Variants in ANKRD36C observed in about 807,000 individuals in gnomAD.
The protein encoded by ANKRD36C is ankyrin repeat domain-containing protein 36C.
In ANKRD36C, 61 loss-of-function variants were observed where a neutral mutation model predicts 276.4. The ratio of observed to expected loss-of-function variants is 0.22; its 90% CI spans 0.18 to 0.27. The LOEUF (loss-of-function observed/expected upper bound fraction) is 0.27. ANKRD36C is among the 10% of genes least tolerant of loss of function. ANKRD36C has a pLI of 1.00. For synonymous variants in ANKRD36C, 483 were observed against 680.1 expected, an observed-to-expected ratio of 0.71 and a Z score of 4.51; for missense variants, 1,447 against 2,032.3, an observed-to-expected ratio of 0.71 and a Z score of 5.54.
intron 1 of ANKRD36C, among the ~76,000 whole-genome samples, chr2:95,990,867 C>T (rs921775841): frequency 2.0e-5 from 3 of 152,118 alleles, no homozygotes; most frequent in African/African-American, 7.2e-5. Flanking sequence ...ATGTATGTAA[C>T]ATTATGCTTT....
At chr2:95,956,723 T>C (rs1678336183) in intron 13 of ANKRD36C, 63 bp downstream of exon 13, 2 of 1,431,230 alleles carry the variant, frequency 1.4e-6, no homozygotes, top group Non-Finnish European at 1.9e-6. Flanking sequence ...AAACGGGCAC[T>C]AGTTTCTATT....
At chr2:95,958,199 T>A (rs1678375268) in intron 12 of ANKRD36C, among the ~76,000 whole-genome samples, 1 of 151,838 alleles carries the variant, frequency 6.6e-6, no homozygotes, top group South Asian at 2.1e-4. Flanking sequence ...TTTATGGCTT[T>A]TTACGATCAC....
intron 28 of ANKRD36C, among the ~76,000 whole-genome samples, chr2:95,925,939 G>A (rs1047028074): frequency 3.3e-5 from 5 of 151,538 alleles, no homozygotes; most frequent in Admixed American, 6.6e-5. Flanking sequence ...AGACATCAGA[G>A]GGATTTATAC....
At chr2:95,912,495 A>G (rs1558636743) in intron 40 of ANKRD36C, 60 bp from the exon 43 acceptor site, 1 of 1,601,264 alleles carries the variant, frequency 6.2e-7, no homozygotes. Context: ...TTATCCATAC[A>G]TTCGCACAGT....
intron 16 of ANKRD36C, among the ~76,000 whole-genome samples, chr2:95,949,720 T>A (rs1678147527): frequency 6.6e-6 from 1 of 152,276 alleles, no homozygotes; most frequent in Non-Finnish European, 1.5e-5. Flanking sequence ...AATAATTTTC[T>A]TTCTTTGAAT....
At chr2:95,881,758 T>A (rs1422570694) in intron 56 of ANKRD36C, among the ~76,000 whole-genome samples, 1 of 148,622 alleles carries the variant, frequency 6.7e-6, no homozygotes, top group African/African-American at 2.5e-5. Flanking sequence ...GTGAGTTCAC[T>A]CAGGCTTCCT....
At chr2:95,872,891 C>G (rs555156684) in intron 59 of ANKRD36C, among the ~76,000 whole-genome samples, 12 of 152,328 alleles carry the variant, frequency 7.9e-5, no homozygotes, top group Admixed American at 7.8e-4. Context: ...ACAAACACCT[C>G]TACGCAAATA....
exon 12 of ANKRD36C, chr2:95,958,598 A>G: frequency 6.5e-7 from 1 of 1,545,510 alleles, no homozygotes; most frequent in Non-Finnish European, 8.7e-7. Flanking sequence ...TACCTGTCCC[A>G]GATTTTTGTT....
intron 60 of ANKRD36C, 103 bp from the exon 81 acceptor site, chr2:95,860,177 G>A: frequency 2.2e-6 from 2 of 905,694 alleles, no homozygotes; most frequent in East Asian, 2.7e-5. Flanking sequence ...TGTTGAACAA[G>A]TATGTACATA....
At chr2:95,893,439 G>A in intron 44 of ANKRD36C, 94 bp downstream of exon 64, 6 of 1,486,552 alleles carry the variant, frequency 4.0e-6, no homozygotes, top group Non-Finnish European at 5.4e-6. Flanking sequence ...ATCAGAAAGT[G>A]CAGCTTCGAC....
chr2:95,885,974 C>A, intron 52 of ANKRD36C, 74 bp downstream of exon 72: 1 of 1,561,056 alleles, frequency 6.4e-7, no homozygotes, highest in Non-Finnish European at 8.7e-7. Flanking sequence ...ATGAACCCCC[C>A]GCTGATTTAT....
intron 50 of ANKRD36C, among the ~76,000 whole-genome samples, chr2:95,886,591 A>C (rs547384410): frequency 6.6e-5 from 10 of 151,912 alleles, no homozygotes; most frequent in African/African-American, 2.4e-4. Flanking sequence ...ATGTCAAAGC[A>C]GGTGGTACAT....
chr2:95,960,986 A>G (rs62155480), intron 8 of ANKRD36C, among the ~76,000 whole-genome samples: 43,422 of 147,932 alleles, frequency 0.29, 5,515 homozygotes, highest in East Asian at 0.43. Context: ...TCAGAGCAGC[A>G]ACTCATACAC....
exon 1 of ANKRD36C, chr2:95,991,688 C>T: frequency 6.2e-7 from 1 of 1,613,564 alleles, no homozygotes; most frequent in Non-Finnish European, 8.5e-7. Flanking sequence ...TGGGCCACCT[C>T]TTCGGCTCCT....
exon 63 of ANKRD36C, chr2:95,855,347 T>G: frequency 6.2e-7 from 1 of 1,612,420 alleles, no homozygotes; most frequent in Non-Finnish European, 8.5e-7. Context: ...TTTTATTGTC[T>G]TCTTCTAGTA....
intron 3 of ANKRD36C, among the ~76,000 whole-genome samples, chr2:95,984,639 T>G (rs1292507339): frequency 6.6e-6 from 1 of 152,164 alleles, no homozygotes. Context: ...AGAGTCATAA[T>G]ACCCACTTTG....
intron 46 of ANKRD36C, among the ~76,000 whole-genome samples, chr2:95,891,331 C>A (rs1198342371): frequency 2.6e-5 from 4 of 151,434 alleles, no homozygotes; most frequent in Non-Finnish European, 5.9e-5. Context: ...TGTGTAAATT[C>A]TATACTTCCT....
At chr2:95,947,448 A>G (rs201893854) in intron 17 of ANKRD36C, among the ~76,000 whole-genome samples, 1 of 152,014 alleles carries the variant, frequency 6.6e-6, no homozygotes, top group East Asian at 1.9e-4. Flanking sequence ...CATGCAAGAC[A>G]TTATTCTGGG....
At chr2:95,917,726 C>A (rs1379702940) in intron 36 of ANKRD36C, 129 bp downstream of exon 38, 8 of 1,252,452 alleles carry the variant, frequency 6.4e-6, no homozygotes, top group Non-Finnish European at 8.8e-6. Flanking sequence ...TGAAGACTCT[C>A]AGGACTGCTG....
Sources: allele counts gnomAD v4.1 joint callset (sites outside exome capture counted in the v4.1 genomes callset), GRCh38; gene constraint gnomAD v4.1.1; transcripts MANE v1.5; gene names NCBI Gene and HGNC (gene_info 2026-07-23, HGNC 2026-07-21).